The following ZNF862 variants were observed in gnomAD, a reference collection of about 807,000 sequenced individuals.
ZNF862 encodes zinc finger protein 862.
Under a neutral mutation model 91.1 loss-of-function variants are expected in ZNF862, and 64 were observed. The observed-to-expected ratio is 0.70, with a 90% confidence interval of 0.57 to 0.87. The LOEUF (loss-of-function observed/expected upper bound fraction) is 0.87. Ranked by LOEUF, ZNF862 falls within the 40% of genes least tolerant of loss-of-function variation. The probability of loss-of-function intolerance (pLI) is 0.00; values close to 1 mark genes in which losing one functional copy is unlikely to be tolerated. For missense variants in ZNF862, 1,459 were observed against 1,528.0 expected (o/e 0.95, Z 0.75); for synonymous variants, 631 against 618.1 (o/e 1.02, Z -0.31).
chr7:149,844,625 G>C lies in ZNF862; in HGVS notation c.25G>C (p.Ala9Pro). The change falls in exon 2 of 8, where the codon GCT (alanine) becomes CCT (proline). Residue 9 changes from alanine (A) to proline (P), a missense_variant and splice_region_variant. Physicochemically the swap from Ala to Pro is conservative, Grantham distance 27 (BLOSUM62 -1). Coordinates refer to ENST00000223210, the MANE Select transcript of ZNF862 (RefSeq NM_001099220.3). ...TTAGCAGCTGTCATTTTCCTTTCAGGCTCCTGTGACGTTTGATGACATCAC... is the reference window on the plus strand; with the variant it reads ...TTAGCAGCTGTCATTTTCCTTTCAGCCTCCTGTGACGTTTGATGACATCAC... MEPRESGK[A>P]PVTFDDITVY... 1 of 1,590,954 alleles carries C rather than the reference G, an allele frequency of 6.3e-7. No homozygotes were observed. Among genetic ancestry groups the C allele is most frequent in the Non-Finnish European group, 8.6e-7 (1 of 1,167,290 alleles).
rs760022046 is a variant in ZNF862 at position 149,848,184 on chromosome 7, C to T, written c.691C>T (p.Pro231Ser). 9 of 1,614,006 alleles carry T rather than the reference C, an allele frequency of 5.6e-6. No individual in the cohort carries two copies. The East Asian group carries it at 1.6e-4, about 28-fold the overall frequency. The part of the protein sequence containing the change: ...RDPPGDVLAS[P>S]EPLFTADCPI... The stretch of plus-strand genomic sequence containing the variant: ...CCCACCTGGAGATGTTCTGGCCAGC[C>T]CGGAGCCGCTCTTCACTGCAGATTG... The change falls in exon 4 of 8, where the codon CCG (proline) becomes TCG (serine). Residue 231 changes from proline to serine, a missense_variant. Coordinates refer to ENST00000223210, the MANE Select transcript of ZNF862 (RefSeq NM_001099220.3).
At chr7:149,844,561 AAC>A in intron 1 of ZNF862, 62 bp from the exon 2 acceptor site, 1 of 1,280,792 alleles carries the variant, frequency 7.8e-7, no homozygotes, top group Non-Finnish European at 1.1e-6. Flanking sequence ...GGTGGTCAGG[AAC>A]ACTTTTGGAA....
chr7:149,839,266 A>G (rs1399659551), intron 1 of ZNF862, among the ~76,000 whole-genome samples: 1 of 152,218 alleles, frequency 6.6e-6, no homozygotes, highest in Non-Finnish European at 1.5e-5. Context: ...AGGCCGTGTC[A>G]TCCAAGACCA....
At chr7:149,839,096 TTC>T (rs1801619638) in intron 1 of ZNF862, among the ~76,000 whole-genome samples, 1 of 152,244 alleles carries the variant, frequency 6.6e-6, no homozygotes, top group Non-Finnish European at 1.5e-5. Context: ...TTTTTGCCAC[TTC>T]TGTTTCTAGG....
chr7:149,841,601 CT>C lies in ZNF862; in HGVS notation c.24+2967del, dbSNP rs1002111137. The C allele has an allele frequency of 1.1e-5, 11 of 985,442 alleles. No homozygotes were observed. The African/African-American group carries it at 1.9e-4, about 17-fold the overall frequency. 61.0% of individuals were successfully genotyped at this position (985,442 alleles called of 1,614,324 possible). A position where few individuals can be genotyped will look rare whatever the true frequency, so the allele number is the denominator to read the frequency against. The stretch of plus-strand genomic sequence containing the variant: ...TAGCATCACTACAGGAGCCCTTTTG[CT>C]GCAAGGTGTGGGTGCTCTGAAGAAC... On this transcript the variant is annotated intron_variant, in intron 1 of 7. Transcript: ENST00000223210.
intron 6 of ZNF862, 82 bp downstream of exon 6, chr7:149,859,608 T>TTGAGGGGGCTACTCGATTTGGCCACAGCA: frequency 8.5e-7 from 1 of 1,174,660 alleles, no homozygotes. Context: ...TGAGCTCAGC[T>TTGAGGGGGCTACTCGATTTGGCCACAGCA]GTGCTCATCT....
chr7:149,860,801 C>G lies in ZNF862; in HGVS notation c.1641C>G (p.Ile547Met). 1 of 1,613,894 alleles carries G rather than the reference C, an allele frequency of 6.2e-7. No individual in the cohort carries two copies. Among genetic ancestry groups the G allele is most frequent in the Non-Finnish European group, 8.5e-7 (1 of 1,179,894 alleles). ...CTCACACTGCCCTCGTTCCAGAGAT[C>G]TCCAGCGACCTCATGGCCAACATGG... ...DTPHTALVPEISSDLMANMEH... is the reference protein window; with the variant it reads ...DTPHTALVPEMSSDLMANMEH... Residue 547 changes from isoleucine to methionine, a missense_variant, in exon 7 of 8, where the codon ATC (isoleucine) becomes ATG (methionine). Coordinates refer to ENST00000223210, the MANE Select transcript of ZNF862 (RefSeq NM_001099220.3).
At position 149,862,295 on chromosome 7, in the gene ZNF862, C is replaced by A. The variant is rs1422072518; in HGVS notation, c.3135C>A (p.Ala1045=). 2 of 1,613,584 alleles carry A rather than the reference C, an allele frequency of 1.2e-6. No individual in the cohort carries two copies. Among genetic ancestry groups the A allele is most frequent in the South Asian group, 1.1e-5 (1 of 91,030 alleles). The change falls in exon 7 of 8, where the codon GCC becomes GCA. Residue 1045 remains alanine, a synonymous_variant. Coordinates refer to ENST00000223210, the MANE Select transcript of ZNF862 (RefSeq NM_001099220.3). ...CTTGCTGTGAGCGGGGGTTCAAGGCCATGAACCGAATCAGGACCGATGAGA... is the reference window on the plus strand; with the variant it reads ...CTTGCTGTGAGCGGGGGTTCAAGGCAATGAACCGAATCAGGACCGATGAGA... ...STSCCERGFK[A]MNRIRTDERT...
chr7:149,852,362 TGTGTGTGTGTGA>T (rs969488204), intron 5 of ZNF862, among the ~76,000 whole-genome samples: 8 of 137,904 alleles, frequency 5.8e-5, no homozygotes, highest in African/African-American at 1.5e-4. Flanking sequence ...TGTGTGTGTG[TGTGTGTGTGTGA>T]GAGAGAGAGA....
rs1487831179 is a variant in ZNF862, at chr7:149,848,078, G to A, written c.585G>A (p.Lys195=). The A allele has an allele frequency of 1.9e-6, 3 of 1,613,948 alleles. No homozygotes were observed. The African/African-American group carries it at 4.0e-5, about 22-fold the overall frequency. The change falls in exon 4 of 8, where the codon AAG becomes AAA. Residue 195 remains lysine (K), a synonymous_variant. Coordinates refer to ENST00000223210, the MANE Select transcript of ZNF862 (RefSeq NM_001099220.3). Reference sequence around the variant, plus strand: ...TGGAGACTCTCAAATACCACGCGAAGAGCAAGGCCCACATGTTCTGTGTCA... The same window carrying A: ...TGGAGACTCTCAAATACCACGCGAAAAGCAAGGCCCACATGTTCTGTGTCA... The part of the protein sequence containing the change: ...FKVETLKYHA[K]SKAHMFCVNA...
In ZNF862 at chr7:149,839,533, G is replaced by A. The variant is rs191848306; in HGVS notation, c.24+898G>A. ...ATAGGAAATGATCACCTTTCTCAAG[G>A]AGCTCTCCTGCAGTTTTCACTTCAA... On this transcript the variant is annotated intron_variant, in intron 1 of 7. Transcript: ENST00000223210. 5.1e-3 allele frequency among the ~76,000 whole-genome samples: 772 copies of A among 152,300 alleles called. 4 individuals carry two copies. The highest frequency in any genetic ancestry group is 9.0e-3 in the Non-Finnish European group (613 of 68,024).
intron 1 of ZNF862, among the ~76,000 whole-genome samples, chr7:149,843,988 GC>G (rs531964636): frequency 6.6e-6 from 1 of 152,150 alleles, no homozygotes; most frequent in East Asian, 1.9e-4. Flanking sequence ...TCCTTGTTGC[GC>G]CCCCTATTAT....
At position 149,861,907 on chromosome 7, in the gene ZNF862, G is replaced by A. The variant is rs900105641; in HGVS notation, c.2747G>A (p.Arg916Gln). Residue 916 changes from arginine (R) to glutamine (Q), a missense_variant, in exon 7 of 8, where the codon CGG becomes CAG. Coordinates refer to ENST00000223210, the MANE Select transcript of ZNF862 (RefSeq NM_001099220.3). The surrounding 1 kb of genome is among the most constrained non-coding windows in gnomAD (Gnocchi z 6.7). ...CLDKLEVAEQRFQADRERTVL... is the reference protein window; with the variant it reads ...CLDKLEVAEQQFQADRERTVL... ...GACAAACTGGAGGTAGCGGAACAGC[G>A]GTTCCAGGCGGATAGGGAGAGGACA... is the stretch of plus-strand genomic sequence containing the variant. 8 of 1,613,692 alleles carry A rather than the reference G, an allele frequency of 5.0e-6. No homozygotes were observed. Among genetic ancestry groups the A allele is most frequent in the African/African-American group, 1.3e-5 (1 of 75,006 alleles).
intron 5 of ZNF862, chr7:149,852,888 C>T (rs1563121033): frequency 6.6e-6 from 1 of 152,250 alleles, no homozygotes; most frequent in Non-Finnish European, 1.5e-5. Context: ...AAGTCGGTAA[C>T]TACAGCCAGG....
chr7:149,857,543 C>T (rs1181361409), intron 5 of ZNF862, among the ~76,000 whole-genome samples: 2 of 151,970 alleles, frequency 1.3e-5, no homozygotes, highest in African/African-American at 4.8e-5. Context: ...TCTTTTCCTA[C>T]TTGTTTTGGT....
rs938216055 is a variant in ZNF862, at chr7:149,865,019, C to G, written c.*735C>G. ...CCGGTTTACCCAGGAGAGGATGGGACGAAGTTGGAGTTGGGAGGCTTGGGA... is the reference window on the plus strand; with the variant it reads ...CCGGTTTACCCAGGAGAGGATGGGAGGAAGTTGGAGTTGGGAGGCTTGGGA... On this transcript the variant is annotated 3_prime_UTR_variant, in exon 8 of 8. Transcript: ENST00000223210. 1 of 152,270 alleles carries G rather than the reference C, an allele frequency of 6.6e-6. No individual in the cohort carries two copies. The highest frequency in any genetic ancestry group is 1.5e-5 in the Non-Finnish European group (1 of 68,122). The allele number at this position is 152,270 out of a possible 1,614,324, so 9.4% of individuals were successfully genotyped here. A position where few individuals can be genotyped will look rare whatever the true frequency, so the allele number is the denominator to read the frequency against.
chr7:149,841,791 A>AT (rs1353526193), intron 1 of ZNF862: 9 of 981,032 alleles, frequency 9.2e-6, no homozygotes, highest in Non-Finnish European at 1.1e-5. Context: ...CTCCTTTCTC[A>AT]TTTTTTTCTG....
chr7:149,840,265 C>A (rs1204339050), intron 1 of ZNF862, among the ~76,000 whole-genome samples: 4 of 127,910 alleles, frequency 3.1e-5, no homozygotes, highest in Admixed American at 7.8e-5. Flanking sequence ...AAGAAAAATA[C>A]TTTTTGTTGA....
At chr7:149,840,333 GGTGTACA>G (rs1801661355) in intron 1 of ZNF862, among the ~76,000 whole-genome samples, 2 of 151,828 alleles carry the variant, frequency 1.3e-5, no homozygotes, top group African/African-American at 4.8e-5. Flanking sequence ...ATATTGTACA[GGTGTACA>G]ATGTGTGTTA....
Sources: allele counts gnomAD v4.1 joint callset (sites outside exome capture counted in the v4.1 genomes callset), GRCh38; gene constraint gnomAD v4.1.1; non-coding constraint Gnocchi (gnomAD v3.1); transcripts MANE v1.5; gene names NCBI Gene and HGNC (gene_info 2026-07-23, HGNC 2026-07-21).